DGLUCY: variants seen among roughly 807,000 people sequenced by gnomAD.
The protein encoded by DGLUCY is D-glutamate cyclase, also known as D-glutamate cyclase, mitochondrial.
In DGLUCY, 58 loss-of-function variants were observed where a neutral mutation model predicts 58.5. The observed-to-expected ratio is 0.99, with a 90% confidence interval of 0.80 to 1.23. The LOEUF is 1.23. DGLUCY is among the 50% of genes most tolerant of loss of function. DGLUCY has a pLI of 0.00. For missense variants in DGLUCY, 779 were observed against 784.7 expected, an observed-to-expected ratio of 0.99 and a Z score of 0.09; for synonymous variants, 325 against 314.1, an observed-to-expected ratio of 1.03 and a Z score of -0.37.
chr14:91,063,542 A>G (rs572038111), intron 1 of DGLUCY, among the ~76,000 whole-genome samples: 1 of 152,350 alleles, frequency 6.6e-6, no homozygotes, highest in South Asian at 2.1e-4. Flanking sequence ...CAATACATAC[A>G]CCGTTTTAGG....
intron 12 of DGLUCY, among the ~76,000 whole-genome samples, chr14:91,210,867 C>T (rs1038472284): frequency 1.3e-5 from 2 of 151,910 alleles, no homozygotes; most frequent in East Asian, 1.9e-4. Flanking sequence ...TGCCTAATGC[C>T]GTAAGACAAG....
Position 91,196,486 on chromosome 14 carries a change from G to A in DGLUCY, c.1295+12G>A, listed in dbSNP as rs1307160996. ...CCGCAGACACCTAGGTACGTATGTC[G>A]CATCCCAGTTTAAGTGGCGGATGGT... is the stretch of plus-strand genomic sequence containing the variant. On this transcript the variant is annotated intron_variant, in intron 10 of 13. Transcript: ENST00000256324. 28 of 1,608,896 alleles carry A rather than the reference G, an allele frequency of 1.7e-5. No individual in the cohort carries two copies. Among genetic ancestry groups the A allele is most frequent in the Middle Eastern group, 1.7e-4 (1 of 6,052 alleles).
chr14:91,184,651 G>C (rs1438006690), intron 8 of DGLUCY, among the ~76,000 whole-genome samples: 4 of 120,030 alleles, frequency 3.3e-5, no homozygotes, highest in African/African-American at 1.3e-4. Context: ...GAGGGAGGGA[G>C]GGAGGGAAGG....
In DGLUCY at chr14:91,170,059, C is replaced by T; in HGVS notation, c.314C>T (p.Ala105Val). The T allele has an allele frequency of 6.2e-7, 1 of 1,612,454 alleles. No homozygotes were observed. The highest frequency in any genetic ancestry group is 8.5e-7 in the Non-Finnish European group (1 of 1,180,040). The stretch of plus-strand genomic sequence containing the variant: ...TTCGGTGCCTGCACCGGCAGCCTGG[C>T]TTCGCTGGAGCAGTACTCGGAGCAG... ...YEFGACTGSL[A>V]SLEQYSEQLK... Residue 105 changes from alanine (A) to valine (V), a missense_variant, in exon 5 of 14, where the codon GCT becomes GTT. Ala to Val is a moderately conservative substitution (Grantham distance 64). Coordinates refer to ENST00000256324, the MANE Select transcript of DGLUCY (RefSeq NM_001102368.3).
At chr14:91,135,884 T>A (rs533667931) in intron 1 of DGLUCY, among the ~76,000 whole-genome samples, 1 of 151,694 alleles carries the variant, frequency 6.6e-6, no homozygotes, top group African/African-American at 2.4e-5. Flanking sequence ...TAAACCAATC[T>A]TGGATTCTTG....
intron 3 of DGLUCY, among the ~76,000 whole-genome samples, chr14:91,160,882 A>G (rs2047942566): frequency 6.6e-6 from 1 of 152,150 alleles, no homozygotes; most frequent in Non-Finnish European, 1.5e-5. Flanking sequence ...TTTGTCATTG[A>G]CCTAAGTCCA....
chr14:91,177,329 G>A (rs1386918280), intron 7 of DGLUCY, among the ~76,000 whole-genome samples: 1 of 152,182 alleles, frequency 6.6e-6, no homozygotes. Context: ...TTTATCTGCT[G>A]AAGCATCCCA....
chr14:91,193,535 A>G (rs1163072262), intron 9 of DGLUCY, among the ~76,000 whole-genome samples: 1 of 152,198 alleles, frequency 6.6e-6, no homozygotes, highest in East Asian at 1.9e-4. Flanking sequence ...TTTAATAACC[A>G]AAGCCTAGGA....
chr14:91,190,769 C>T (rs1238388396), intron 9 of DGLUCY, among the ~76,000 whole-genome samples: 1 of 152,010 alleles, frequency 6.6e-6, no homozygotes, highest in East Asian at 1.9e-4. Context: ...GACAGGGCCT[C>T]GCAGGACCCT....
chr14:91,163,913 A>G (rs1033786752), intron 3 of DGLUCY, among the ~76,000 whole-genome samples: 1 of 152,200 alleles, frequency 6.6e-6, no homozygotes, highest in East Asian at 1.9e-4. Context: ...CAAATCTGAC[A>G]GGGCAATTGT....
chr14:91,107,213 A>G (rs1051808169), upstream of DGLUCY, among the ~76,000 whole-genome samples: 1 of 152,056 alleles, frequency 6.6e-6, no homozygotes, highest in Non-Finnish European at 1.5e-5. Flanking sequence ...GTCTTATTTC[A>G]CACTAACTAA....
intron 13 of DGLUCY, among the ~76,000 whole-genome samples, chr14:91,217,483 CT>C (rs11306803): frequency 0.48 from 59,313 of 122,464 alleles, 13,480 homozygotes; most frequent in Admixed American, 0.56. Flanking sequence ...CCTTTTCTGT[CT>C]TTTTTTTTTT....
chr14:91,199,291 A>G (rs2050406647), intron 10 of DGLUCY, among the ~76,000 whole-genome samples: 2 of 149,392 alleles, frequency 1.3e-5, no homozygotes, highest in East Asian at 3.9e-4. Context: ...ACAGAGTCTT[A>G]CTCTGTCGCC....
intron 1 of DGLUCY, among the ~76,000 whole-genome samples, chr14:91,086,518 C>T (rs534726040): frequency 1.3e-5 from 2 of 152,184 alleles, no homozygotes; most frequent in South Asian, 2.1e-4. Context: ...ACCATTGTTA[C>T]ACTGTATCAT....
At chr14:91,092,419 GGGTTCT>G (rs746864812) in intron 1 of DGLUCY, among the ~76,000 whole-genome samples, 17 of 152,174 alleles carry the variant, frequency 1.1e-4, no homozygotes, top group Non-Finnish European at 2.1e-4. Context: ...GTATGCTAGT[GGGTTCT>G]AATCTTCTCA....
intron 1 of DGLUCY, among the ~76,000 whole-genome samples, chr14:91,127,053 C>CTTTT (rs11407228): frequency 0.12 from 11,539 of 98,134 alleles, 1,058 homozygotes; most frequent in Non-Finnish European, 0.17. Context: ...TGATGATACT[C>CTTTT]TTTTTTTTTT....
At chr14:91,163,900 G>C (rs1254458357) in intron 3 of DGLUCY, among the ~76,000 whole-genome samples, 1 of 152,178 alleles carries the variant, frequency 6.6e-6, no homozygotes, top group Non-Finnish European at 1.5e-5. Flanking sequence ...TGGGTTGATA[G>C]AGCAAATCTG....
chr14:91,064,755 A>G (rs1440344943), intron 1 of DGLUCY, among the ~76,000 whole-genome samples: 1 of 152,136 alleles, frequency 6.6e-6, no homozygotes, highest in East Asian at 1.9e-4. Context: ...GGTCAGCTGT[A>G]TCAGATACCC....
At chr14:91,090,086 A>G (rs568962587) in intron 1 of DGLUCY, among the ~76,000 whole-genome samples, 85 of 152,284 alleles carry the variant, frequency 5.6e-4, no homozygotes, top group Non-Finnish European at 1.1e-3. Flanking sequence ...CTGTGCAGGT[A>G]TCTGGCTGGC....
Sources: allele counts gnomAD v4.1 joint callset (sites outside exome capture counted in the v4.1 genomes callset), GRCh38; gene constraint gnomAD v4.1.1; transcripts MANE v1.5; gene names NCBI Gene and HGNC (gene_info 2026-07-23, HGNC 2026-07-21).